ZNF577: variants seen among roughly 807,000 people sequenced by gnomAD.
ZNF577 encodes zinc finger protein 577.
A neutral mutation model predicts 13.9 loss-of-function variants in ZNF577; 14 were observed. The ratio of observed to expected loss-of-function variants is 1.00; its 90% CI spans 0.66 to 1.57. ZNF577 has a LOEUF of 1.57. Among genes scored for constraint, ZNF577 ranks in the 40% most tolerant of loss-of-function variants. ZNF577 has a pLI of 0.00. For missense variants in ZNF577, 555 were observed against 579.2 expected (o/e 0.96, Z 0.43); for synonymous variants, 203 against 202.9 (o/e 1.00, Z 0.00).
At chr19:51,807,957 A>G (rs1022493382) in intron 10 of ZNF577, among the ~76,000 whole-genome samples, 7 of 152,260 alleles carry the variant, frequency 4.6e-5, no homozygotes, top group African/African-American at 1.7e-4. Flanking sequence ...GAACCATTCT[A>G]TTACTGTTAC....
Position 51,873,415 on chromosome 19 carries a change from C to T in ZNF577, c.575G>A (p.Gly192Glu). 1 of 1,614,126 alleles carries T rather than the reference C, an allele frequency of 6.2e-7. No individual in the cohort carries two copies. The highest frequency in any genetic ancestry group is 1.1e-5 in the South Asian group (1 of 91,082). The part of the protein sequence containing the change: ...GEKPHGCGEC[G>E]KTFMRKIQLT... ...CTGAATCTTCCTCATGAATGTTTTC[C>T]CACATTCACCACATCCATGGGGTTT... Residue 192 changes from glycine to glutamate, a missense_variant, in exon 6 of 6, where the codon GGG becomes GAG. Transcript: ENST00000638348.
At chr19:51,851,539 CCTAA>C (rs1446651262) in intron 5 of ZNF577, among the ~76,000 whole-genome samples, 2 of 152,168 alleles carry the variant, frequency 1.3e-5, no homozygotes, top group African/African-American at 2.4e-5. Flanking sequence ...TCTCCTGAGT[CCTAA>C]CTACTAAGCT....
At position 51,869,314 on chromosome 19, in the gene ZNF577, C is replaced by T. The variant is rs924426793; in HGVS notation, c.*3218G>A. Among the ~76,000 whole-genome samples the T allele has an allele frequency of 7.2e-5, 11 of 152,158 alleles. No individual in the cohort carries two copies. The highest frequency in any genetic ancestry group is 1.3e-4 in the Non-Finnish European group (9 of 68,016). On this transcript the variant is annotated 3_prime_UTR_variant, in exon 6 of 6. Coordinates refer to ENST00000638348, the MANE Select transcript of ZNF577 (RefSeq NM_001370449.1). ...GGCTGGATGTGAGACATGCTGGCAG[C>T]GATACTGTTCTTTACTGCACTGAGA...
At chr19:51,880,634 G>A in intron 2 of ZNF577, 45 bp downstream of exon 2, 1 of 525,836 alleles carries the variant, frequency 1.9e-6, no homozygotes, top group Non-Finnish European at 3.4e-6. Context: ...AGCTTCCACA[G>A]ACCCATTGGG....
At chr19:51,837,587 G>T (rs762784599) in intron 9 of ZNF577, among the ~76,000 whole-genome samples, 49 of 152,290 alleles carry the variant, frequency 3.2e-4, no homozygotes, top group Non-Finnish European at 5.3e-4. Flanking sequence ...AAAGCATTAT[G>T]CTAAGTGCAC....
At chr19:51,839,056 T>G (rs139287542) in intron 9 of ZNF577, among the ~76,000 whole-genome samples, 3 of 152,338 alleles carry the variant, frequency 2.0e-5, no homozygotes, top group African/African-American at 7.2e-5. Flanking sequence ...TTGCTAGCAT[T>G]TCAGGCACAC....
intron 10 of ZNF577, among the ~76,000 whole-genome samples, chr19:51,809,276 T>A (rs1270981016): frequency 2.0e-5 from 3 of 152,252 alleles, no homozygotes; most frequent in African/African-American, 7.2e-5. Flanking sequence ...CAGTGCTCTG[T>A]TGAACACTTT....
intron 7 of ZNF577, chr19:51,842,976 T>G (rs1317569930): frequency 1.3e-5 from 2 of 152,212 alleles, no homozygotes; most frequent in Non-Finnish European, 2.9e-5. Flanking sequence ...AAGTTCTGTT[T>G]CAGGAAATGC....
intron 5 of ZNF577, among the ~76,000 whole-genome samples, chr19:51,853,451 T>G (rs987621275): frequency 6.6e-6 from 1 of 152,178 alleles, no homozygotes; most frequent in Admixed American, 6.5e-5. Context: ...ACCCTAAGAT[T>G]TAACATTTTT....
rs977984414 is a variant in ZNF577 at position 51,825,703 on chromosome 19, G to C, written c.*600-14029C>G. The C allele has an allele frequency of 1.2e-4, 20 of 167,048 alleles. 1 individual carries two copies. Among genetic ancestry groups the C allele is most frequent in the Admixed American group, 1.2e-3 (18 of 15,278 alleles). The allele number at this position is 167,048 out of a possible 1,614,324, so 10.3% of individuals were successfully genotyped here. A position where few individuals can be genotyped will look rare whatever the true frequency, so the allele number is the denominator to read the frequency against. Reference sequence around the variant, plus strand: ...ACATTGAGTCATTCCAGGATGAGTGGCTCAAGTATTTCCTCAGGGAAAATA... The same window carrying C: ...ACATTGAGTCATTCCAGGATGAGTGCCTCAAGTATTTCCTCAGGGAAAATA... On this transcript the variant is annotated intron_variant and NMD_transcript_variant, in intron 9 of 10. Coordinates refer to the ZNF577 transcript ENST00000638827.
intron 9 of ZNF577, among the ~76,000 whole-genome samples, chr19:51,818,942 C>T (rs2084166924): frequency 6.6e-6 from 1 of 152,118 alleles, no homozygotes; most frequent in Non-Finnish European, 1.5e-5. Flanking sequence ...ATAGCAGGAC[C>T]AGGAACAAAC....
chr19:51,880,333 G>A lies in ZNF577; in HGVS notation c.50C>T (p.Ser17Phe). Residue 17 changes from serine (S) to phenylalanine (F), a missense_variant, in exon 3 of 6, where the codon TCT (serine) becomes TTT (phenylalanine). By Grantham distance (155) the Ser-to-Phe change is radical. Transcript: ENST00000638348. ...VMSVRREQGSSSGEGSLSFED... is the reference protein window; with the variant it reads ...VMSVRREQGSFSGEGSLSFED... ...CAATGACAAATTTACCTCCCCTGAA[G>A]AACTGCCTTGCTCTCTCCTCACAGA... is the stretch of plus-strand genomic sequence containing the variant. 1.2e-6 allele frequency: 2 copies of A among 1,614,020 alleles called. No homozygotes were observed. Among genetic ancestry groups the A allele is most frequent in the Non-Finnish European group, 1.7e-6 (2 of 1,179,992 alleles).
Position 51,887,114 on chromosome 19 carries a change from C to T in ZNF577, c.-512G>A, listed in dbSNP as rs1568452979. The T allele has an allele frequency of 6.6e-6, 1 of 151,936 alleles. No individual in the cohort carries two copies. Among genetic ancestry groups the T allele is most frequent in the Non-Finnish European group, 1.5e-5 (1 of 67,972 alleles). The allele number at this position is 151,936 out of a possible 1,614,324, so 9.4% of individuals were successfully genotyped here. On this transcript the variant is annotated 5_prime_UTR_variant, in exon 1 of 6. Coordinates refer to ENST00000638348, the MANE Select transcript of ZNF577 (RefSeq NM_001370449.1). ...ATTAACTATGTAGAAATAAGCATAA[C>T]CAGAAATGTCCAAGATACGTATGGA... is the stretch of plus-strand genomic sequence containing the variant.
chr19:51,807,217 G>A (rs751221962), intron 10 of ZNF577, among the ~76,000 whole-genome samples: 1 of 63,514 alleles, frequency 1.6e-5, no homozygotes, highest in African/African-American at 1.0e-4. Flanking sequence ...AGCAGGAAGT[G>A]GGGGGGGTGG....
downstream of ZNF577, among the ~76,000 whole-genome samples, chr19:51,863,986 A>G (rs562908522): frequency 6.6e-6 from 1 of 152,352 alleles, no homozygotes; most frequent in African/African-American, 2.4e-5. Flanking sequence ...GAGGATCCTG[A>G]AAAGAATTTG....
downstream of ZNF577, among the ~76,000 whole-genome samples, chr19:51,865,464 T>C (rs1165715570): frequency 6.6e-6 from 1 of 152,164 alleles, no homozygotes; most frequent in Non-Finnish European, 1.5e-5. Flanking sequence ...ACCTTCTAGG[T>C]TGCTTTGATA....
intron 5 of ZNF577, among the ~76,000 whole-genome samples, chr19:51,852,933 C>CTTTT (rs112665914): frequency 6.9e-5 from 10 of 144,032 alleles, no homozygotes; most frequent in South Asian, 2.2e-4. Flanking sequence ...GTTTTCTTTT[C>CTTTT]TTTTTTTTTT....
chr19:51,836,895 T>G (rs1287310679), intron 9 of ZNF577, among the ~76,000 whole-genome samples: 1 of 151,554 alleles, frequency 6.6e-6, no homozygotes, highest in Non-Finnish European at 1.5e-5. Flanking sequence ...AATACAAAAA[T>G]TATACGGGCA....
At position 51,814,655 on chromosome 19, in the gene ZNF577, G is replaced by A. The variant is rs116980128; in HGVS notation, c.*600-2981C>T. Reference sequence around the variant, plus strand: ...ACTACAGGCATGTGCCATTCTGCTGGGCTAATTTTTGTATTTTTAGTAAAG... The same window carrying A: ...ACTACAGGCATGTGCCATTCTGCTGAGCTAATTTTTGTATTTTTAGTAAAG... On this transcript the variant is annotated intron_variant and NMD_transcript_variant, in intron 9 of 10. Coordinates refer to the ZNF577 transcript ENST00000638827. Among the ~76,000 whole-genome samples, 886 of 152,034 alleles carry A rather than the reference G, an allele frequency of 5.8e-3. 2 individuals carry two copies. Among genetic ancestry groups the A allele is most frequent in the Non-Finnish European group, 9.6e-3 (649 of 67,958 alleles).
Sources: gnomAD v4.1 joint callset for allele counts (sites outside exome capture counted in the v4.1 genomes callset) on GRCh38, gnomAD v4.1.1 for gene constraint, MANE v1.5 for transcripts, NCBI Gene and HGNC (gene_info 2026-07-23, HGNC 2026-07-21) for gene names.